The following HMGN5 variants were observed in gnomAD, a reference collection of about 807,000 sequenced individuals.
HMGN5 encodes the protein high mobility group nucleosome binding domain 5, also known as high mobility group nucleosome-binding domain-containing protein 5.
Under a neutral mutation model 9.5 loss-of-function variants are expected in HMGN5, and 4 were observed. That is an observed-to-expected ratio of 0.42 (90% CI 0.21 to 0.96). The LOEUF (loss-of-function observed/expected upper bound fraction) is 0.96, where lower values mean the gene tolerates loss of function less well. Ranked by LOEUF, HMGN5 falls within the 40% of genes least tolerant of loss-of-function variation. HMGN5 has a pLI of 0.30. For synonymous variants in HMGN5, 55 were observed against 57.1 expected (o/e 0.96, Z 0.16); for missense variants, 192 against 187.5 (o/e 1.02, Z -0.14).
At chrX:81,177,367 C>CAAA (rs148090852) in intron 1 of HMGN5, among the ~76,000 whole-genome samples, 558 of 10,721 alleles carry the variant, frequency 0.052, 50 homozygotes, top group Non-Finnish European at 0.066. Context: ...AAATGGAAAG[C>CAAA]AAAAAAAAAA....
chrX:81,179,419 G>C (rs2075453692), intron 1 of HMGN5, among the ~76,000 whole-genome samples: 1 of 111,338 alleles, frequency 9.0e-6, no homozygotes, highest in Non-Finnish European at 1.9e-5. Flanking sequence ...CAGACAAACA[G>C]AGAGCCAAAT....
At chrX:81,184,608 G>C (rs1211776274) in intron 1 of HMGN5, among the ~76,000 whole-genome samples, 1 of 104,864 alleles carries the variant, frequency 9.5e-6, no homozygotes, top group Non-Finnish European at 2.0e-5. Context: ...GTTTTTTGCT[G>C]TGCAGAAGCT....
intron 1 of HMGN5, among the ~76,000 whole-genome samples, chrX:81,137,001 C>T (rs1172400894): frequency 9.0e-6 from 1 of 111,205 alleles, no homozygotes; most frequent in African/African-American, 3.3e-5. Flanking sequence ...ACATAATGAT[C>T]CTAAATGTGC....
chrX:81,173,756 T>C (rs1042193769), intron 1 of HMGN5, among the ~76,000 whole-genome samples: 2 of 111,936 alleles, frequency 1.8e-5, no homozygotes, highest in African/African-American at 3.2e-5. Flanking sequence ...TTTTAAGGCA[T>C]TGCTGTCTCT....
At chrX:81,160,097 G>T (rs981103077) in intron 1 of HMGN5, among the ~76,000 whole-genome samples, 1 of 111,659 alleles carries the variant, frequency 9.0e-6, no homozygotes, top group Non-Finnish European at 1.9e-5. Context: ...GATGAAGACA[G>T]CCCATTCAGA....
chrX:81,164,881 A>G (rs1223606061), intron 1 of HMGN5, among the ~76,000 whole-genome samples: 2 of 111,424 alleles, frequency 1.8e-5, no homozygotes, highest in African/African-American at 3.3e-5. Context: ...CTGTTTCATT[A>G]TAAAGAAACT....
chrX:81,178,327 A>G (rs2075449452), intron 1 of HMGN5, among the ~76,000 whole-genome samples: 1 of 111,735 alleles, frequency 8.9e-6, no homozygotes, highest in Admixed American at 9.5e-5. Context: ...ACTAATAAAG[A>G]AGAAAAGAGA....
At chrX:81,145,160 T>C (rs1162260627) in intron 1 of HMGN5, among the ~76,000 whole-genome samples, 2 of 111,517 alleles carry the variant, frequency 1.8e-5, no homozygotes, top group Non-Finnish European at 3.8e-5. Flanking sequence ...AACACAAACA[T>C]TTTCCTCAAG....
In HMGN5 at chrX:81,114,990, C is replaced by T. The variant is rs1394851183; in HGVS notation, c.508G>A (p.Ala170Thr). ...TTTTTTCCATCTTCTTTCTCTTTTG[C>T]ATCTTCTCCTTTCTCATTTCCATTT... is the stretch of plus-strand genomic sequence containing the variant. ...DKNGNEKGED[A>T]KEKEDGKKGE... The change falls in exon 7 of 7, where the codon GCA becomes ACA. Residue 170 changes from alanine (A) to threonine (T), a missense_variant. Transcript: ENST00000358130. 5 of 1,150,378 alleles carry T rather than the reference C, an allele frequency of 4.3e-6. No homozygotes were observed. The highest frequency in any genetic ancestry group is 5.8e-6 in the Non-Finnish European group (5 of 867,880). 94.8% of individuals were successfully genotyped at this position (1,150,378 alleles called of 1,213,427 possible). A position where few individuals can be genotyped will look rare whatever the true frequency, so the allele number is the denominator to read the frequency against.
chrX:81,161,389 C>A (rs1280799998), intron 1 of HMGN5, among the ~76,000 whole-genome samples: 2 of 111,028 alleles, frequency 1.8e-5, no homozygotes, highest in Non-Finnish European at 3.8e-5. Flanking sequence ...CCAGCTGAGA[C>A]CTTAGACATT....
chrX:81,130,833 C>T (rs1296990647), intron 1 of HMGN5, among the ~76,000 whole-genome samples: 2 of 111,156 alleles, frequency 1.8e-5, no homozygotes, highest in Non-Finnish European at 3.8e-5. Context: ...GACTCTGATT[C>T]TTGAGAAGCT....
intron 1 of HMGN5, among the ~76,000 whole-genome samples, chrX:81,187,041 T>G (rs1281477173): frequency 8.9e-6 from 1 of 112,024 alleles, no homozygotes; most frequent in Non-Finnish European, 1.9e-5. Flanking sequence ...TATAGTTTTA[T>G]TCCATGTGGT....
intron 1 of HMGN5, among the ~76,000 whole-genome samples, chrX:81,151,552 T>A (rs1002392192): frequency 9.0e-6 from 1 of 110,778 alleles, no homozygotes; most frequent in Non-Finnish European, 1.9e-5. Context: ...ATGGCCATTT[T>A]CACGATATTG....
At chrX:81,171,863 A>G (rs1421635187) in intron 1 of HMGN5, among the ~76,000 whole-genome samples, 1 of 111,257 alleles carries the variant, frequency 9.0e-6, no homozygotes, top group African/African-American at 3.3e-5. Flanking sequence ...TACTGAAATT[A>G]TTTTGTCCTC....
Position 81,177,367 on chromosome X carries a change from C to CAAAAAAAA in HMGN5, c.-124+24362_-124+24369dup, listed in dbSNP as rs148090852. 7.5e-4 allele frequency among the ~76,000 whole-genome samples: 8 copies of CAAAAAAAA among 10,676 alleles called. 1 individual carries two copies. The highest frequency in any genetic ancestry group is 1.2e-3 in the Non-Finnish European group (7 of 5,927). The allele number at this position is 10,676 out of a possible 115,157, so 9.3% of individuals were successfully genotyped here. A position where few individuals can be genotyped will look rare whatever the true frequency, so the allele number is the denominator to read the frequency against. On this transcript the variant is annotated intron_variant, in intron 1 of 6. Coordinates refer to ENST00000358130, the MANE Select transcript of HMGN5 (RefSeq NM_030763.3). ...GAAGATCTACCAAGCAAATGGAAAG[C>CAAAAAAAA]AAAAAAAAAAAAAAAAAAAAAAAAA...
chrX:81,194,363 A>G (rs990478178), intron 1 of HMGN5, among the ~76,000 whole-genome samples: 1 of 111,691 alleles, frequency 9.0e-6, no homozygotes, highest in African/African-American at 3.2e-5. Flanking sequence ...GCCTCAGGAT[A>G]AAAGTTACTT....
chrX:81,155,169 A>G (rs2075379709), intron 1 of HMGN5, among the ~76,000 whole-genome samples: 1 of 99,765 alleles, frequency 1.0e-5, no homozygotes, highest in African/African-American at 3.6e-5. Context: ...ACTCCTTACA[A>G]CCCATTAGAA....
At chrX:81,128,163 T>A (rs2075289739) in intron 1 of HMGN5, among the ~76,000 whole-genome samples, 1 of 110,804 alleles carries the variant, frequency 9.0e-6, no homozygotes, top group Non-Finnish European at 1.9e-5. Flanking sequence ...TTTCTATCCG[T>A]TTTTTATTCA....
intron 1 of HMGN5, among the ~76,000 whole-genome samples, chrX:81,194,580 G>A (rs920997498): frequency 8.9e-6 from 1 of 111,862 alleles, no homozygotes; most frequent in Non-Finnish European, 1.9e-5. Context: ...AGGGCTAAAA[G>A]AGAAACAAAG....
Sources: gnomAD v4.1 joint callset for allele counts (sites outside exome capture counted in the v4.1 genomes callset) on GRCh38, gnomAD v4.1.1 for gene constraint, MANE v1.5 for transcripts, NCBI Gene and HGNC (gene_info 2026-07-23, HGNC 2026-07-21) for gene names.